Variants in WWOX observed in about 807,000 individuals in gnomAD.
WWOX encodes the protein WW domain containing oxidoreductase, also known as WW domain-containing oxidoreductase.
A neutral mutation model predicts 46.2 loss-of-function variants in WWOX; 69 were observed. The observed-to-expected ratio is 1.49, with a 90% confidence interval of 1.23 to 1.82. The LOEUF (loss-of-function observed/expected upper bound fraction) is 1.82. Among genes scored for constraint, WWOX ranks in the 40% most tolerant of loss-of-function variants. WWOX has a pLI of 0.00. For missense variants in WWOX, 919 were observed against 542.6 expected (o/e 1.69, Z -6.89); for synonymous variants, 359 against 202.6 (o/e 1.77, Z -6.56).
rs7204027 is a variant in WWOX, at chr16:78,948,362, C to G, written c.1057-263246C>G. On this transcript the variant is annotated intron_variant, in intron 8 of 8. Transcript: ENST00000566780. ...TTTCCAGAGCGTCTTCCTGATGTTG[C>G]ATAGAGCACTCACACCTAACAGATC... Among the ~76,000 whole-genome samples the G allele has an allele frequency of 9.1e-3, 1,382 of 152,260 alleles. 17 individuals are homozygous for G. Among genetic ancestry groups the G allele is most frequent in the African/African-American group, 0.032 (1,322 of 41,548 alleles).
rs776598056 is a variant in WWOX, at chr16:78,139,229, CAAGG to C, written c.409+24076_409+24079del. On this transcript the variant is annotated intron_variant, in intron 4 of 8. Transcript: ENST00000566780. Reference sequence around the variant, plus strand: ...GGAGAGAGATAATCCTAGCTTTCTTCAAGGGACAGAACCAGGACCAATGGACAAA... The same window carrying C: ...GGAGAGAGATAATCCTAGCTTTCTTCGACAGAACCAGGACCAATGGACAAA... Among the ~76,000 whole-genome samples the C allele has an allele frequency of 4.6e-5, 7 of 152,140 alleles. No individual in the cohort carries two copies. In the South Asian group the frequency reaches 6.2e-4, roughly 14 times the overall value.
At chr16:78,424,305 A>C (rs1234333375) in intron 6 of WWOX, among the ~76,000 whole-genome samples, 1 of 151,816 alleles carries the variant, frequency 6.6e-6, no homozygotes, top group African/African-American at 2.4e-5. Flanking sequence ...GTTTTGACAG[A>C]GATGGGGTTT....
At chr16:79,148,947 T>A (rs2050228705) in intron 8 of WWOX, among the ~76,000 whole-genome samples, 1 of 152,158 alleles carries the variant, frequency 6.6e-6, no homozygotes, top group Admixed American at 6.6e-5. Context: ...TTTTGAGATT[T>A]CTTGGGATTT....
In WWOX at chr16:78,753,816, AAAAAAAAAAATATATATATATAT is replaced by A. The variant is rs1186783035; in HGVS notation, c.1056+321066_1056+321088del. Among the ~76,000 whole-genome samples, 531 of 87,500 alleles carry A rather than the reference AAAAAAAAAAATATATATATATAT, an allele frequency of 6.1e-3. 7 individuals carry two copies. The highest frequency in any genetic ancestry group is 0.021 in the African/African-American group (490 of 23,386). 57.4% of individuals were successfully genotyped at this position (87,500 alleles called of 152,430 possible). On this transcript the variant is annotated intron_variant, in intron 8 of 8. Coordinates refer to ENST00000566780, the MANE Select transcript of WWOX (RefSeq NM_016373.4). The stretch of plus-strand genomic sequence containing the variant: ...GACCCTATATCAAAAAAAAAAAAAA[AAAAAAAAAAATATATATATATAT>A]ATATATATATATATATGTATATGTA...
intron 8 of WWOX, among the ~76,000 whole-genome samples, chr16:78,574,533 A>C (rs1237175189): frequency 6.6e-6 from 1 of 152,134 alleles, no homozygotes; most frequent in Non-Finnish European, 1.5e-5. Flanking sequence ...TGAATGTCTT[A>C]TGGCCTGAAG....
intron 5 of WWOX, among the ~76,000 whole-genome samples, chr16:78,361,298 A>C (rs530298358): frequency 5.3e-5 from 8 of 152,294 alleles, no homozygotes; most frequent in African/African-American, 1.9e-4. Context: ...CATAATGTTG[A>C]TCTGTCTCAT....
intron 7 of WWOX, among the ~76,000 whole-genome samples, chr16:78,428,891 G>A (rs1048584074): frequency 6.6e-6 from 1 of 152,154 alleles, no homozygotes; most frequent in South Asian, 2.1e-4. Context: ...AATTCCACAT[G>A]TAAACATTAA....
chr16:78,788,255 T>C (rs998579317), intron 8 of WWOX, among the ~76,000 whole-genome samples: 2 of 152,244 alleles, frequency 1.3e-5, no homozygotes, highest in Admixed American at 6.5e-5. Context: ...CCTGTGGTGT[T>C]ATGATATATA....
intron 8 of WWOX, among the ~76,000 whole-genome samples, chr16:78,739,279 G>A (rs2049161004): frequency 6.6e-6 from 1 of 152,210 alleles, no homozygotes; most frequent in Non-Finnish European, 1.5e-5. Context: ...TGCTTGTTCA[G>A]CTTGGTCAAA....
intron 8 of WWOX, among the ~76,000 whole-genome samples, chr16:78,782,664 A>C (rs1361875551): frequency 7.1e-6 from 1 of 139,980 alleles, no homozygotes. Flanking sequence ...TCTTTTCTAT[A>C]TCTTTTTTTT....
At chr16:78,704,839 G>A (rs1229058485) in intron 8 of WWOX, among the ~76,000 whole-genome samples, 1 of 151,906 alleles carries the variant, frequency 6.6e-6, no homozygotes, top group African/African-American at 2.4e-5. Flanking sequence ...TCAGAGCATT[G>A]ACATTACGTG....
intron 5 of WWOX, among the ~76,000 whole-genome samples, chr16:78,372,061 C>G (rs78007970): frequency 6.6e-6 from 1 of 152,144 alleles, no homozygotes; most frequent in Non-Finnish European, 1.5e-5. Flanking sequence ...CTAAGTCTCA[C>G]GGCTATGCCT....
chr16:78,709,377 C>T (rs948500492), intron 8 of WWOX, among the ~76,000 whole-genome samples: 6 of 152,220 alleles, frequency 3.9e-5, no homozygotes, highest in East Asian at 1.9e-4. Flanking sequence ...CCGCGATTCT[C>T]GGCCATTCCG....
At chr16:78,674,220 G>A (rs987264038) in intron 8 of WWOX, among the ~76,000 whole-genome samples, 17 of 151,776 alleles carry the variant, frequency 1.1e-4, no homozygotes, top group African/African-American at 4.1e-4. Flanking sequence ...AGGAACATAG[G>A]GTGCATAAGA....
intron 6 of WWOX, among the ~76,000 whole-genome samples, chr16:78,400,172 C>T (rs926853467): frequency 1.3e-5 from 2 of 152,080 alleles, no homozygotes; most frequent in East Asian, 1.9e-4. Flanking sequence ...GTCACTTACT[C>T]GTCATCAAAA....
At chr16:78,634,877 C>T (rs1030987811) in intron 8 of WWOX, among the ~76,000 whole-genome samples, 6 of 141,204 alleles carry the variant, frequency 4.2e-5, no homozygotes, top group Admixed American at 7.0e-5. Context: ...TGTGTGTGCG[C>T]GTGCATGTGT....
chr16:78,472,243 G>A (rs937859387), intron 8 of WWOX, among the ~76,000 whole-genome samples: 4 of 152,064 alleles, frequency 2.6e-5, no homozygotes, highest in South Asian at 2.1e-4. Flanking sequence ...GTGACCTGCT[G>A]TCTTAATGAT....
chr16:79,078,101 C>G (rs181487905), intron 8 of WWOX: 1 of 152,134 alleles, frequency 6.6e-6, no homozygotes, highest in Admixed American at 6.5e-5. Flanking sequence ...CTGGAAGTTT[C>G]CATTTCCTGG....
At chr16:78,719,335 C>T (rs563980964) in intron 8 of WWOX, among the ~76,000 whole-genome samples, 1 of 152,334 alleles carries the variant, frequency 6.6e-6, no homozygotes, top group South Asian at 2.1e-4. Flanking sequence ...CCTGCTCATT[C>T]CTCCCGTGAG....
Sources: allele counts gnomAD v4.1 joint callset (sites outside exome capture counted in the v4.1 genomes callset), GRCh38; gene constraint gnomAD v4.1.1; transcripts MANE v1.5; gene names NCBI Gene and HGNC (gene_info 2026-07-23, HGNC 2026-07-21).